The following GLCE variants were observed in gnomAD, a reference collection of about 807,000 sequenced individuals.
The protein encoded by GLCE is D-glucuronyl C5-epimerase.
In GLCE, 19 loss-of-function variants were observed where a neutral mutation model predicts 47.9. The observed-to-expected ratio is 0.40, with a 90% confidence interval of 0.28 to 0.58. The LOEUF is 0.58. GLCE is among the 20% of genes least tolerant of loss of function. The pLI is 0.48. For synonymous variants in GLCE, 245 were observed against 263.4 expected, an observed-to-expected ratio of 0.93 and a Z score of 0.68; for missense variants, 556 against 743.3, an observed-to-expected ratio of 0.75 and a Z score of 2.93.
At chr15:69,211,669 A>G (rs1276192654) in intron 2 of GLCE, among the ~76,000 whole-genome samples, 1 of 151,990 alleles carries the variant, frequency 6.6e-6, no homozygotes, top group East Asian at 1.9e-4. Flanking sequence ...AAAACATGCC[A>G]TATAAGTTAG....
chr15:69,171,474 G>A (rs2051587602), intron 1 of GLCE, among the ~76,000 whole-genome samples: 1 of 150,604 alleles, frequency 6.6e-6, no homozygotes, highest in Non-Finnish European at 1.5e-5. Flanking sequence ...TTGGCTCACT[G>A]CAACCTCGGC....
At chr15:69,203,454 T>C (rs1456616546) in intron 1 of GLCE, among the ~76,000 whole-genome samples, 2 of 152,224 alleles carry the variant, frequency 1.3e-5, no homozygotes, top group East Asian at 1.9e-4. Context: ...GTTTAGTAAG[T>C]TGAACATCAA....
rs1447725634 is a variant in GLCE, at chr15:69,270,211, T to A, written c.*967T>A. ...ATTTTTCCCCCTTTAAATAAAAATA[T>A]TAGATCAAATACTATATGCAAGAAA... is the stretch of plus-strand genomic sequence containing the variant. On this transcript the variant is annotated 3_prime_UTR_variant, in exon 5 of 5. Coordinates refer to ENST00000261858, the MANE Select transcript of GLCE (RefSeq NM_015554.3). 6.6e-6 allele frequency: 1 copy of A among 152,184 alleles called. No homozygotes were observed. The highest frequency in any genetic ancestry group is 2.4e-5 in the African/African-American group (1 of 41,456). The allele number at this position is 152,184 out of a possible 1,614,324, so 9.4% of individuals were successfully genotyped here.
chr15:69,209,993 T>C (rs2052208475), intron 1 of GLCE, among the ~76,000 whole-genome samples: 1 of 152,032 alleles, frequency 6.6e-6, no homozygotes, highest in Non-Finnish European at 1.5e-5. Context: ...TTTGCACACT[T>C]CCTTGTGAGT....
At chr15:69,183,544 A>T (rs898349147) in intron 1 of GLCE, among the ~76,000 whole-genome samples, 2 of 152,192 alleles carry the variant, frequency 1.3e-5, no homozygotes, top group Admixed American at 1.3e-4. Context: ...AGACGCCATA[A>T]CTCATACCCT....
chr15:69,183,797 G>C (rs1412442471), intron 1 of GLCE, among the ~76,000 whole-genome samples: 1 of 152,140 alleles, frequency 6.6e-6, no homozygotes, highest in African/African-American at 2.4e-5. Flanking sequence ...CTTCCTTTAG[G>C]TCAGTAGGAT....
chr15:69,241,713 A>G (rs1279521765), intron 2 of GLCE, among the ~76,000 whole-genome samples: 2 of 152,194 alleles, frequency 1.3e-5, no homozygotes, highest in Non-Finnish European at 2.9e-5. Context: ...CTGGAACTTG[A>G]TAGAAAAGCA....
chr15:69,211,473 G>A (rs942999910), intron 2 of GLCE, among the ~76,000 whole-genome samples: 28 of 151,804 alleles, frequency 1.8e-4, no homozygotes. Flanking sequence ...GGCTAAAGTT[G>A]GAGTTACGTT....
chr15:69,179,695 A>G (rs1422480911), intron 1 of GLCE, among the ~76,000 whole-genome samples: 3 of 152,224 alleles, frequency 2.0e-5, no homozygotes, highest in Admixed American at 6.5e-5. Flanking sequence ...ACAAAGAACA[A>G]CACAAGTGGC....
rs769614046 is a variant in GLCE, at chr15:69,255,820, C to T, written c.14C>T (p.Ala5Val). 5.0e-6 allele frequency: 8 copies of T among 1,608,656 alleles called. No individual in the cohort carries two copies. The highest frequency in any genetic ancestry group is 6.8e-6 in the Non-Finnish European group (8 of 1,175,542). Residue 5 changes from alanine to valine, a missense_variant, in exon 3 of 5, where the codon GCA becomes GTA. Physicochemically the swap from Ala to Val is moderately conservative, Grantham distance 64. Coordinates refer to ENST00000261858, the MANE Select transcript of GLCE (RefSeq NM_015554.3). MRCL[A>V]ARVNYKTLII... ...TATGGTCTGAATATGCGTTGCTTGG[C>T]AGCTCGGGTCAACTATAAGACTTTG... is the stretch of plus-strand genomic sequence containing the variant.
intron 1 of GLCE, among the ~76,000 whole-genome samples, chr15:69,209,430 G>A (rs1279772992): frequency 6.7e-6 from 1 of 148,608 alleles, no homozygotes; most frequent in Non-Finnish European, 1.5e-5. Flanking sequence ...AACCCAGTTA[G>A]AGTCACACTG....
intron 2 of GLCE, among the ~76,000 whole-genome samples, 168 bp from the exon 3 acceptor site, chr15:69,255,626 C>T (rs2140438761): frequency 6.6e-6 from 1 of 151,924 alleles, no homozygotes; most frequent in East Asian, 1.9e-4. Flanking sequence ...GGAAGCACCT[C>T]TTACCTTTTT....
In GLCE at chr15:69,256,105, T is replaced by C. The variant is rs1195854126; in HGVS notation, c.299T>C (p.Leu100Ser). ...AATAGCAATGTGGGAAGTAAGGTGT[T>C]AGGGCTCAAATATGAAGAAATTGAC... is the stretch of plus-strand genomic sequence containing the variant. ...GFNSNVGSKV[L>S]GLKYEEIDCL... Residue 100 changes from leucine to serine, a missense_variant, in exon 3 of 5, where the codon TTA (leucine) becomes TCA (serine). By Grantham distance (145) the Leu-to-Ser change is moderately radical (BLOSUM62 -2). This residue lies in a region of GLCE where 237 missense variants were observed against 310.9 expected (regional missense o/e 0.76). Coordinates refer to ENST00000261858, the MANE Select transcript of GLCE (RefSeq NM_015554.3). The C allele has an allele frequency of 2.5e-5, 41 of 1,614,088 alleles. No homozygotes were observed. The highest frequency in any genetic ancestry group is 3.3e-5 in the Non-Finnish European group (39 of 1,180,000).
intron 1 of GLCE, among the ~76,000 whole-genome samples, chr15:69,200,831 A>C (rs2052067961): frequency 6.6e-6 from 1 of 152,036 alleles, no homozygotes. Context: ...TCCAGGTCTC[A>C]TTGGGTTAAA....
At chr15:69,244,389 A>G (rs1475332844) in intron 2 of GLCE, among the ~76,000 whole-genome samples, 1 of 152,198 alleles carries the variant, frequency 6.6e-6, no homozygotes, top group Non-Finnish European at 1.5e-5. Context: ...GAACAACTAG[A>G]TAACTTTTCC....
At chr15:69,178,046 G>A (rs894653617) in intron 1 of GLCE, among the ~76,000 whole-genome samples, 1 of 152,136 alleles carries the variant, frequency 6.6e-6, no homozygotes, top group Non-Finnish European at 1.5e-5. Context: ...TACAAATAAA[G>A]CTGTTACGAA....
intron 1 of GLCE, among the ~76,000 whole-genome samples, chr15:69,200,788 T>G (rs1050095546): frequency 2.6e-5 from 4 of 152,156 alleles, no homozygotes; most frequent in Non-Finnish European, 5.9e-5. Flanking sequence ...AGAAAGCTTT[T>G]TAATCTTACA....
chr15:69,245,666 T>C (rs1175651095), intron 2 of GLCE, among the ~76,000 whole-genome samples: 2 of 152,224 alleles, frequency 1.3e-5, no homozygotes, highest in African/African-American at 4.8e-5. Context: ...TCCCAAACCC[T>C]GCTGTTGCTT....
intron 1 of GLCE, among the ~76,000 whole-genome samples, chr15:69,174,756 T>A (rs976545762): frequency 1.3e-5 from 2 of 152,232 alleles, no homozygotes; most frequent in African/African-American, 4.8e-5. Context: ...AGAGCTTTTT[T>A]TGGCCTTCAT....
Sources: allele counts gnomAD v4.1 joint callset (sites outside exome capture counted in the v4.1 genomes callset), GRCh38; gene constraint gnomAD v4.1.1; regional missense constraint gnomAD v4.1.1; transcripts MANE v1.5; gene names NCBI Gene and HGNC (gene_info 2026-07-23, HGNC 2026-07-21).